The following HMGCLL1 variants were observed in gnomAD, a reference collection of about 807,000 sequenced individuals.
HMGCLL1 encodes the protein 3-hydroxy-3-methylglutaryl-CoA lyase like 1.
Under a neutral mutation model 39.1 loss-of-function variants are expected in HMGCLL1, and 36 were observed. The ratio of observed to expected loss-of-function variants is 0.92; its 90% CI spans 0.71 to 1.22. HMGCLL1 has a LOEUF of 1.22. HMGCLL1 is among the 50% of genes most tolerant of loss of function. The pLI, the probability that HMGCLL1 is intolerant of heterozygous loss-of-function variation, is 0.00. For missense variants in HMGCLL1, 451 were observed against 416.5 expected (o/e 1.08, Z -0.72); for synonymous variants, 149 against 144.0 (o/e 1.03, Z -0.25).
the HMGCLL1 span, among the ~76,000 whole-genome samples, chr6:55,602,130 A>T: frequency 6.6e-6 from 1 of 152,144 alleles, no homozygotes; most frequent in East Asian, 1.9e-4. Context: ...ATTATGATAA[A>T]TAAAAATACA....
At chr6:55,453,585 GTCTA>G (rs1055888549) in intron 7 of HMGCLL1, among the ~76,000 whole-genome samples, 98 of 152,258 alleles carry the variant, frequency 6.4e-4, no homozygotes, top group African/African-American at 2.2e-3. Flanking sequence ...TGAAATGAAG[GTCTA>G]TCTAAGGTTT....
At chr6:55,493,852 C>A (rs927048656) in intron 7 of HMGCLL1, among the ~76,000 whole-genome samples, 1 of 152,070 alleles carries the variant, frequency 6.6e-6, no homozygotes, top group African/African-American at 2.4e-5. Flanking sequence ...CCTGCCTCAG[C>A]CTCCCAAGTA....
chr6:55,499,584 T>C (rs1055760965), intron 5 of HMGCLL1, among the ~76,000 whole-genome samples: 11 of 152,038 alleles, frequency 7.2e-5, no homozygotes, highest in African/African-American at 2.2e-4. Context: ...TAGCAACATA[T>C]AACATTCAAA....
the HMGCLL1 span, among the ~76,000 whole-genome samples, chr6:55,607,457 C>T: frequency 6.6e-6 from 1 of 152,136 alleles, no homozygotes; most frequent in Non-Finnish European, 1.5e-5. Context: ...GCACTAGCTT[C>T]TGGGGATGCT....
At chr6:55,519,335 T>G (rs1327091244) in intron 3 of HMGCLL1, among the ~76,000 whole-genome samples, 2 of 152,044 alleles carry the variant, frequency 1.3e-5, no homozygotes, top group Non-Finnish European at 1.5e-5. Flanking sequence ...GGAATAGAAC[T>G]AAAGAAAAAT....
chr6:55,586,903 A>G, the HMGCLL1 span, among the ~76,000 whole-genome samples: 13 of 152,036 alleles, frequency 8.6e-5, no homozygotes, highest in South Asian at 2.1e-4. Flanking sequence ...TCCTTTGGGT[A>G]TATACTCAGT....
chr6:55,574,518 T>A (rs1429453532), intron 1 of HMGCLL1, among the ~76,000 whole-genome samples: 1 of 151,118 alleles, frequency 6.6e-6, no homozygotes, highest in Non-Finnish European at 1.5e-5. Flanking sequence ...AAGGGTATAG[T>A]AAAAAAAAGT....
At chr6:55,486,826 C>T (rs1229934653) in intron 7 of HMGCLL1, among the ~76,000 whole-genome samples, 1 of 152,054 alleles carries the variant, frequency 6.6e-6, no homozygotes, top group Non-Finnish European at 1.5e-5. Context: ...ACAATTCTAG[C>T]AGTTCTAGAA....
chr6:55,554,662 G>A (rs141692813), intron 1 of HMGCLL1, among the ~76,000 whole-genome samples: 2 of 152,194 alleles, frequency 1.3e-5, no homozygotes, highest in East Asian at 3.9e-4. Context: ...CCAAGCAGTA[G>A]AGGGGGACTT....
intron 5 of HMGCLL1, among the ~76,000 whole-genome samples, chr6:55,503,228 T>C (rs1168238769): frequency 2.0e-5 from 3 of 151,844 alleles, no homozygotes; most frequent in Middle Eastern, 3.2e-3. Context: ...ACAATACTCA[T>C]GTGTCACAAA....
intron 7 of HMGCLL1, among the ~76,000 whole-genome samples, chr6:55,492,137 T>A (rs999544951): frequency 1.6e-4 from 24 of 152,118 alleles, no homozygotes; most frequent in African/African-American, 5.6e-4. Context: ...TCTGCACCCC[T>A]AAATTAAAGC....
the HMGCLL1 span, among the ~76,000 whole-genome samples, chr6:55,599,332 T>C: frequency 6.6e-6 from 1 of 152,192 alleles, no homozygotes; most frequent in South Asian, 2.1e-4. Flanking sequence ...GTTAATTCAA[T>C]GTTGAAAATA....
chr6:55,652,691 G>A, the HMGCLL1 span, among the ~76,000 whole-genome samples: 3 of 152,092 alleles, frequency 2.0e-5, no homozygotes, highest in South Asian at 2.1e-4. Flanking sequence ...TACAGCTCAC[G>A]GCCAGGGAAA....
chr6:55,451,240 A>G (rs1412138189), intron 7 of HMGCLL1, among the ~76,000 whole-genome samples: 2 of 152,216 alleles, frequency 1.3e-5, no homozygotes, highest in Admixed American at 6.5e-5. Context: ...TAGATAATTT[A>G]GCCAAAATCC....
At chr6:55,549,373 AGTGTGTGTGTGTGTGTGT>A (rs70986732) in intron 1 of HMGCLL1, among the ~76,000 whole-genome samples, 1 of 145,416 alleles carries the variant, frequency 6.9e-6, no homozygotes, top group Non-Finnish European at 1.5e-5. Flanking sequence ...CAAATACAGA[AGTGTGTGTGTGTGTGTGT>A]GTGTGTGTGT....
At chr6:55,656,819 C>G in the HMGCLL1 span, among the ~76,000 whole-genome samples, 1 of 151,892 alleles carries the variant, frequency 6.6e-6, no homozygotes, top group Non-Finnish European at 1.5e-5. Context: ...TGTGTTGAGA[C>G]AAGGACTAGA....
the HMGCLL1 span, among the ~76,000 whole-genome samples, chr6:55,634,797 T>A: frequency 6.6e-6 from 1 of 152,274 alleles, no homozygotes; most frequent in African/African-American, 2.4e-5. Flanking sequence ...GAAGATGTTT[T>A]ACTTCCTTTG....
At chr6:55,582,900 T>C (rs1225330868), upstream of HMGCLL1, among the ~76,000 whole-genome samples, 1 of 152,084 alleles carries the variant, frequency 6.6e-6, no homozygotes, top group African/African-American at 2.4e-5. Context: ...TACACACATA[T>C]AATCAAAATC....
chr6:55,533,109 C>G (rs1232232669), intron 3 of HMGCLL1, among the ~76,000 whole-genome samples: 1 of 151,234 alleles, frequency 6.6e-6, no homozygotes, highest in Non-Finnish European at 1.5e-5. Context: ...TATATCATCA[C>G]TATTTGTAAA....
Sources: gnomAD v4.1 joint callset for allele counts (sites outside exome capture counted in the v4.1 genomes callset) on GRCh38, gnomAD v4.1.1 for gene constraint, MANE v1.5 for transcripts, NCBI Gene and HGNC (gene_info 2026-07-23, HGNC 2026-07-21) for gene names.